Variants in DYNC1I2 observed in about 807,000 individuals in gnomAD.
The protein encoded by DYNC1I2 is cytoplasmic dynein 1 intermediate chain 2.
In DYNC1I2, 53 loss-of-function variants were observed where a neutral mutation model predicts 88.6. The observed-to-expected ratio is 0.60, with a 90% confidence interval of 0.48 to 0.75. The LOEUF is 0.75. Among genes scored for constraint, DYNC1I2 ranks in the 30% least tolerant of loss-of-function variants. DYNC1I2 has a pLI of 0.00. For missense variants in DYNC1I2, 458 were observed against 766.6 expected, an observed-to-expected ratio of 0.60 and a Z score of 4.75; for synonymous variants, 198 against 254.6, an observed-to-expected ratio of 0.78 and a Z score of 2.12.
intron 7 of DYNC1I2, among the ~76,000 whole-genome samples, chr2:171,719,232 A>G (rs1203128844): frequency 6.6e-6 from 1 of 152,218 alleles, no homozygotes; most frequent in Admixed American, 6.5e-5. Context: ...AAATATTTAT[A>G]AAAATGAGAT....
At chr2:171,728,442 A>G in intron 13 of DYNC1I2, 24 bp downstream of exon 13, 1 of 1,405,098 alleles carries the variant, frequency 7.1e-7, no homozygotes, top group Non-Finnish European at 9.9e-7. Context: ...GGGAAACTGA[A>G]ATTTTGAGGC....
chr2:171,734,618 A>G (rs771741665), intron 15 of DYNC1I2, among the ~76,000 whole-genome samples: 26 of 152,300 alleles, frequency 1.7e-4, no homozygotes, highest in Admixed American at 8.5e-4. Flanking sequence ...TGGTGTTTTT[A>G]TAAATGCCTA....
intron 6 of DYNC1I2, among the ~76,000 whole-genome samples, 173 bp from the exon 7 acceptor site, chr2:171,715,155 A>G (rs1687399743): frequency 1.3e-5 from 2 of 152,034 alleles, no homozygotes; most frequent in Admixed American, 1.3e-4. Context: ...TGCTTTTGCT[A>G]CCTTCTCATT....
intron 6 of DYNC1I2, 39 bp downstream of exon 6, chr2:171,712,865 A>C: frequency 6.5e-7 from 1 of 1,538,236 alleles, no homozygotes; most frequent in Non-Finnish European, 9.0e-7. Flanking sequence ...TTTTATAATG[A>C]ATTTGATTCT....
intron 13 of DYNC1I2, 42 bp downstream of exon 13, chr2:171,728,460 ATGTTT>A (rs1688389736): frequency 7.2e-6 from 9 of 1,252,756 alleles, no homozygotes; most frequent in Non-Finnish European, 1.0e-5. Context: ...GGCAAATGTT[ATGTTT>A]TAAGTGTATG....
rs1257846634 is a variant in DYNC1I2 at position 171,747,956 on chromosome 2, G to A, written c.*67G>A. On this transcript the variant is annotated 3_prime_UTR_variant, in exon 18 of 18. Coordinates refer to ENST00000397119, the MANE Select transcript of DYNC1I2 (RefSeq NM_001378.3). ...TCTTAAGTAGATCCTGAGACTATTT[G>A]CATGCTTCTGTCTAAATGATAATTA... 6 of 1,153,846 alleles carry A rather than the reference G, an allele frequency of 5.2e-6. No individual in the cohort carries two copies. The highest frequency in any genetic ancestry group is 1.6e-5 in the African/African-American group (1 of 64,364). The allele number at this position is 1,153,846 out of a possible 1,614,324, so 71.5% of individuals were successfully genotyped here. A position where few individuals can be genotyped will look rare whatever the true frequency, so the allele number is the denominator to read the frequency against.
At chr2:171,712,664 A>T in intron 5 of DYNC1I2, 103 bp from the exon 6 acceptor site, 2 of 816,576 alleles carry the variant, frequency 2.4e-6, no homozygotes, top group Admixed American at 2.5e-5. Flanking sequence ...GTGTTTTTTA[A>T]TTGTGAATAG....
chr2:171,708,346 A>G (rs959472102), intron 5 of DYNC1I2, among the ~76,000 whole-genome samples: 34 of 152,234 alleles, frequency 2.2e-4, no homozygotes, highest in Non-Finnish European at 4.3e-4. Flanking sequence ...AAAAAAAGCA[A>G]GGTGGCTGGA....
chr2:171,704,714 C>T (rs755110805), intron 3 of DYNC1I2, among the ~76,000 whole-genome samples: 8 of 151,956 alleles, frequency 5.3e-5, no homozygotes, highest in Non-Finnish European at 8.8e-5. Context: ...TTGTTTTGGC[C>T]TCCTGAATGC....
At chr2:171,709,844 A>G (rs1415233420) in intron 5 of DYNC1I2, among the ~76,000 whole-genome samples, 1 of 152,020 alleles carries the variant, frequency 6.6e-6, no homozygotes, top group Non-Finnish European at 1.5e-5. Flanking sequence ...CAGCCTCCCA[A>G]GTAACTGGGA....
In DYNC1I2 at chr2:171,715,333, G is replaced by A; in HGVS notation, c.401G>A (p.Gly134Glu). The A allele has an allele frequency of 1.9e-6, 3 of 1,550,154 alleles. No individual in the cohort carries two copies. Among genetic ancestry groups the A allele is most frequent in the Non-Finnish European group, 2.6e-6 (3 of 1,143,036 alleles). The change falls in exon 7 of 18, where the codon GGA becomes GAA. Residue 134 changes from glycine to glutamate, a missense_variant. Transcript: ENST00000397119. ...TTTGTATTTACTTAATTTAGACGAG[G>A]ACCTATTAAACTTGGAATGGCTAAA... ...QLHSDSDLGR[G>E]PIKLGMAKIT...
intron 15 of DYNC1I2, among the ~76,000 whole-genome samples, chr2:171,734,795 T>G (rs1222499011): frequency 6.6e-6 from 1 of 152,218 alleles, no homozygotes; most frequent in Non-Finnish European, 1.5e-5. Context: ...TGGTTAATTG[T>G]GTTGCTGGTA....
intron 7 of DYNC1I2, among the ~76,000 whole-genome samples, chr2:171,718,870 T>G (rs1687711892): frequency 6.6e-6 from 1 of 152,170 alleles, no homozygotes; most frequent in African/African-American, 2.4e-5. Context: ...GTATTGGTTT[T>G]GTTTACACAC....
intron 3 of DYNC1I2, among the ~76,000 whole-genome samples, chr2:171,699,660 G>C (rs1246148496): frequency 6.6e-6 from 1 of 150,996 alleles, no homozygotes; most frequent in Non-Finnish European, 1.5e-5. Flanking sequence ...GCAGTTTAGA[G>C]ACAGGGTCTC....
chr2:171,701,537 G>A (rs1515812), intron 3 of DYNC1I2, among the ~76,000 whole-genome samples: 28,156 of 152,026 alleles, frequency 0.19, 3,769 homozygotes, highest in African/African-American at 0.37. Flanking sequence ...AGAGAGAAAG[G>A]GAGAAGGAAG....
At chr2:171,687,917 C>CA (rs1166490785) in intron 1 of DYNC1I2, 2 of 152,286 alleles carry the variant, frequency 1.3e-5, no homozygotes, top group Non-Finnish European at 2.9e-5. Context: ...GCCTGTGTTC[C>CA]ACGTCGCAAC....
chr2:171,739,696 CTTTTTTT>C (rs201750115), intron 15 of DYNC1I2, among the ~76,000 whole-genome samples: 6 of 65,092 alleles, frequency 9.2e-5, no homozygotes, highest in East Asian at 6.0e-4. Context: ...TGACATATCT[CTTTTTTT>C]TTTTTTTTTT....
intron 11 of DYNC1I2, among the ~76,000 whole-genome samples, chr2:171,727,181 G>A (rs1255365338): frequency 1.3e-5 from 2 of 152,092 alleles, no homozygotes; most frequent in Non-Finnish European, 2.9e-5. Context: ...CTGTTATGGT[G>A]ATTGACTGTA....
In DYNC1I2 at chr2:171,745,909, T is replaced by C. The variant is rs752309245; in HGVS notation, c.1785T>C (p.Val595=). Residue 595 remains valine, a synonymous_variant, in exon 17 of 18, where the codon GTT becomes GTC. Coordinates refer to ENST00000397119, the MANE Select transcript of DYNC1I2 (RefSeq NM_001378.3). Reference sequence around the variant, plus strand: ...TGGGTGATTCTGAAGGACAGATTGTTATATACGATGTGGGAGAGGTATGGG... The same window carrying C: ...TGGGTGATTCTGAAGGACAGATTGTCATATACGATGTGGGAGAGGTATGGG... The part of the protein sequence containing the change: ...IAVGDSEGQI[V]IYDVGEQIAV... The C allele has an allele frequency of 1.9e-6, 3 of 1,613,730 alleles. No homozygotes were observed. Among genetic ancestry groups the C allele is most frequent in the East Asian group, 2.2e-5 (1 of 44,876 alleles).
Sources: allele counts gnomAD v4.1 joint callset (sites outside exome capture counted in the v4.1 genomes callset), GRCh38; gene constraint gnomAD v4.1.1; transcripts MANE v1.5; gene names NCBI Gene and HGNC (gene_info 2026-07-23, HGNC 2026-07-21).